ME1: variants seen among roughly 807,000 people sequenced by gnomAD.
ME1 encodes the protein NADP-dependent malic enzyme.
ME1 carries 74 observed loss-of-function variants against 66.4 expected under a neutral mutation model. The ratio of observed to expected loss-of-function variants is 1.11; its 90% CI spans 0.92 to 1.35. The LOEUF is 1.35. Among genes scored for constraint, ME1 ranks in the 40% most tolerant of loss-of-function variants. The pLI is 0.00. For synonymous variants in ME1, 251 were observed against 235.6 expected (o/e 1.07, Z -0.60); for missense variants, 750 against 694.1 (o/e 1.08, Z -0.90).
intron 2 of ME1, among the ~76,000 whole-genome samples, chr6:83,401,439 A>T (rs887794543): frequency 2.6e-5 from 4 of 152,192 alleles, no homozygotes; most frequent in African/African-American, 9.6e-5. Context: ...ATTGATGTTC[A>T]ATATATATCG....
intron 10 of ME1, 60 bp downstream of exon 10, chr6:83,228,766 A>G: frequency 8.9e-7 from 1 of 1,123,010 alleles, no homozygotes; most frequent in South Asian, 1.4e-5. Flanking sequence ...AATTGGTAGT[A>G]AAAAAAACAA....
intron 6 of ME1, among the ~76,000 whole-genome samples, chr6:83,264,567 G>A (rs1766954127): frequency 6.6e-6 from 1 of 152,154 alleles, no homozygotes; most frequent in Non-Finnish European, 1.5e-5. Flanking sequence ...TTCATGGAAG[G>A]AGGTCAAAAC....
intron 2 of ME1, among the ~76,000 whole-genome samples, chr6:83,405,512 A>G (rs1216164278): frequency 6.6e-6 from 1 of 152,106 alleles, no homozygotes; most frequent in Non-Finnish European, 1.5e-5. Flanking sequence ...CTCTTGCCTG[A>G]TTGACCTAGC....
chr6:83,306,117 A>G (rs1009387681), intron 6 of ME1, among the ~76,000 whole-genome samples: 16 of 152,210 alleles, frequency 1.1e-4, no homozygotes, highest in African/African-American at 3.6e-4. Flanking sequence ...AGGTTGATCT[A>G]TAACTCAGGA....
Position 83,376,457 on chromosome 6 carries a change from T to C in ME1, c.362+21910A>G, listed in dbSNP as rs576719852. 1.5e-3 allele frequency among the ~76,000 whole-genome samples: 226 copies of C among 149,206 alleles called. 2 individuals carry two copies. Among genetic ancestry groups the C allele is most frequent in the African/African-American group, 5.4e-3 (217 of 40,374 alleles). On this transcript the variant is annotated intron_variant, in intron 3 of 13. Transcript: ENST00000369705. ...TTGTGGTGAGCCAAGATTGTGCCAT[T>C]GCACTCCAGCCTGGGCAACAAGAGT...
chr6:83,349,526 A>C (rs989322866), intron 4 of ME1, among the ~76,000 whole-genome samples: 12 of 152,216 alleles, frequency 7.9e-5, no homozygotes, highest in African/African-American at 2.9e-4. Context: ...TGAAATACGC[A>C]GATTTCTCCT....
rs1432856820 is a variant in ME1 at position 83,210,879 on chromosome 6, T to C, written c.*1045A>G. The C allele has an allele frequency of 6.6e-6, 1 of 152,240 alleles. No individual in the cohort carries two copies. Among genetic ancestry groups the C allele is most frequent in the African/African-American group, 2.4e-5 (1 of 41,464 alleles). The allele number at this position is 152,240 out of a possible 1,614,324, so 9.4% of individuals were successfully genotyped here. On this transcript the variant is annotated 3_prime_UTR_variant, in exon 14 of 14. Transcript: ENST00000369705. ...GGTATTAGTCATCAAGATATTTTAA[T>C]CTTATGTAAGGACATTTCTGATACT...
chr6:83,413,263 T>C (rs868119242), intron 1 of ME1, among the ~76,000 whole-genome samples: 5 of 152,152 alleles, frequency 3.3e-5, no homozygotes, highest in African/African-American at 4.8e-5. Context: ...CTGCCTGCCT[T>C]GGCCTCCCAA....
At chr6:83,425,126 C>T (rs2127698101) in intron 1 of ME1, among the ~76,000 whole-genome samples, 1 of 152,194 alleles carries the variant, frequency 6.6e-6, no homozygotes, top group South Asian at 2.1e-4. Context: ...GTAGCTGAGA[C>T]TACAGGTGCA....
At chr6:83,237,227 A>AAAG (rs1790416493) in intron 9 of ME1, among the ~76,000 whole-genome samples, 1 of 68,978 alleles carries the variant, frequency 1.4e-5, no homozygotes, top group Non-Finnish European at 2.8e-5. Context: ...ACAGAGAGAG[A>AAAG]AAAGAAAGAA....
chr6:83,349,005 A>AAAAAAAAAAC (rs1562487149), intron 4 of ME1, among the ~76,000 whole-genome samples: 1 of 148,406 alleles, frequency 6.7e-6, no homozygotes, highest in African/African-American at 2.5e-5. Context: ...AAAAAAACAA[A>AAAAAAAAAAC]AAACAAAAAA....
At position 83,303,930 on chromosome 6, in the gene ME1, A is replaced by T. The variant is rs537697555; in HGVS notation, c.704+11380T>A. The stretch of plus-strand genomic sequence containing the variant: ...TATATACATTATTTTCTTTGGGGAC[A>T]ATTCCAACTATTAAATGCTCTATTT... On this transcript the variant is annotated intron_variant, in intron 6 of 13. Transcript: ENST00000369705. Among the ~76,000 whole-genome samples, 5 of 152,340 alleles carry T rather than the reference A, an allele frequency of 3.3e-5. No homozygotes were observed. In the South Asian group the frequency reaches 8.3e-4, roughly 25 times the overall value.
intron 1 of ME1, among the ~76,000 whole-genome samples, chr6:83,430,276 C>T (rs1454253326): frequency 1.3e-5 from 2 of 152,190 alleles, no homozygotes; most frequent in Non-Finnish European, 2.9e-5. Flanking sequence ...TTCTACCAAG[C>T]CATGCAAAGT....
At chr6:83,397,834 A>G (rs938828973) in intron 3 of ME1, among the ~76,000 whole-genome samples, 5 of 152,228 alleles carry the variant, frequency 3.3e-5, no homozygotes, top group Admixed American at 6.5e-5. Flanking sequence ...GCAACAATAC[A>G]GATGAACCTT....
intron 3 of ME1, among the ~76,000 whole-genome samples, 165 bp from the exon 4 acceptor site, chr6:83,352,304 ATAAG>A (rs1306681951): frequency 6.6e-6 from 1 of 152,134 alleles, no homozygotes; most frequent in African/African-American, 2.4e-5. Flanking sequence ...AGGAATTCTT[ATAAG>A]TAAGGGAGAA....
chr6:83,381,376 A>G (rs1364376227), intron 3 of ME1, among the ~76,000 whole-genome samples: 1 of 152,012 alleles, frequency 6.6e-6, no homozygotes, highest in African/African-American at 2.4e-5. Flanking sequence ...GAACTATATT[A>G]AGCCTGCAAG....
At chr6:83,374,452 G>GT (rs1198010637) in intron 3 of ME1, among the ~76,000 whole-genome samples, 4 of 151,984 alleles carry the variant, frequency 2.6e-5, no homozygotes, top group Admixed American at 6.6e-5. Context: ...GGGGTTGTTT[G>GT]TTTTTTTCTT....
intron 6 of ME1, among the ~76,000 whole-genome samples, chr6:83,264,105 C>T (rs943855267): frequency 2.0e-5 from 3 of 152,166 alleles, no homozygotes; most frequent in African/African-American, 7.2e-5. Context: ...GAAGCCAATG[C>T]TCATTCACCA....
chr6:83,359,060 A>G (rs1434997824), intron 3 of ME1, among the ~76,000 whole-genome samples: 3 of 151,144 alleles, frequency 2.0e-5, no homozygotes, highest in African/African-American at 7.3e-5. Context: ...AGCTGGGCAG[A>G]GGGGCACATC....
Sources: allele counts gnomAD v4.1 joint callset (sites outside exome capture counted in the v4.1 genomes callset), GRCh38; gene constraint gnomAD v4.1.1; transcripts MANE v1.5; gene names NCBI Gene and HGNC (gene_info 2026-07-23, HGNC 2026-07-21).